The following ROBO2 variants were observed in gnomAD, a reference collection of about 807,000 sequenced individuals.
ROBO2 encodes roundabout homolog 2.
A neutral mutation model predicts 160.8 loss-of-function variants in ROBO2; 53 were observed. The ratio of observed to expected loss-of-function variants is 0.33; its 90% CI spans 0.26 to 0.41. The LOEUF (loss-of-function observed/expected upper bound fraction) is 0.41. Ranked by LOEUF, ROBO2 falls within the 10% of genes least tolerant of loss-of-function variation. ROBO2 has a pLI of 1.00. For missense variants in ROBO2, 1,577 were observed against 1,722.4 expected, an observed-to-expected ratio of 0.92 and a Z score of 1.49; for synonymous variants, 664 against 611.7, an observed-to-expected ratio of 1.09 and a Z score of -1.26.
Position 76,701,863 on chromosome 3 carries a change from A to T in ROBO2, c.110-396151A>T, listed in dbSNP as rs910581311. ...TGTAGCAGTCTAAAAAAAAAAAAAA[A>T]CAAAGGTCACTTTTATGTTTAAAGA... On this transcript the variant is annotated intron_variant, in intron 2 of 26. Coordinates refer to the ROBO2 transcript ENST00000487694. 2.7e-5 allele frequency among the ~76,000 whole-genome samples: 4 copies of T among 147,604 alleles called. No individual in the cohort carries two copies. The South Asian group carries it at 8.6e-4, about 32-fold the overall frequency.
At chr3:76,409,515 C>T (rs2075380234) in intron 2 of ROBO2, among the ~76,000 whole-genome samples, 1 of 151,994 alleles carries the variant, frequency 6.6e-6, no homozygotes, top group Admixed American at 6.6e-5. Context: ...AGAGATTTCT[C>T]AGACCATTCT....
Position 76,917,251 on chromosome 3 carries a change from A to G in ROBO2, c.110-180763A>G, listed in dbSNP as rs572092023. 2.6e-5 allele frequency among the ~76,000 whole-genome samples: 4 copies of G among 152,284 alleles called. No individual in the cohort carries two copies. The South Asian group carries it at 8.3e-4, about 32-fold the overall frequency. On this transcript the variant is annotated intron_variant, in intron 2 of 26. Transcript: ENST00000487694. ...TCTGGTAGTCTGTTGCTTATTATGCACTAGGATCATTGCTATGTGCTTTTT... is the reference window on the plus strand; with the variant it reads ...TCTGGTAGTCTGTTGCTTATTATGCGCTAGGATCATTGCTATGTGCTTTTT...
At chr3:77,602,518 AG>A (rs1354517619) in intron 20 of ROBO2, 27 bp downstream of exon 21, 2 of 1,611,830 alleles carry the variant, frequency 1.2e-6, no homozygotes, top group African/African-American at 2.7e-5. Context: ...TGTCCTGAGG[AG>A]GTATTTTCAT....
intron 2 of ROBO2, among the ~76,000 whole-genome samples, chr3:76,705,269 A>G (rs1236548711): frequency 6.6e-6 from 1 of 152,164 alleles, no homozygotes; most frequent in Non-Finnish European, 1.5e-5. Flanking sequence ...AATACAATAT[A>G]TCCCAGTTGC....
chr3:75,977,307 A>T (rs1221126103), intron 2 of ROBO2, among the ~76,000 whole-genome samples: 1 of 151,488 alleles, frequency 6.6e-6, no homozygotes, highest in Non-Finnish European at 1.5e-5. Context: ...GCTAAAAAGT[A>T]AAGTTGAAAA....
intron 2 of ROBO2, among the ~76,000 whole-genome samples, chr3:77,265,836 T>G (rs992734045): frequency 9.9e-5 from 15 of 152,188 alleles, no homozygotes; most frequent in African/African-American, 1.4e-4. Context: ...GCTCTCAATT[T>G]AAAAGATAAT....
At chr3:76,213,842 T>C (rs1467758015) in intron 2 of ROBO2, among the ~76,000 whole-genome samples, 2 of 152,134 alleles carry the variant, frequency 1.3e-5, no homozygotes, top group African/African-American at 4.8e-5. Flanking sequence ...AGAATAGCAA[T>C]GTTGGACCCT....
chr3:77,173,416 A>G (rs1310069705), intron 2 of ROBO2, among the ~76,000 whole-genome samples: 1 of 152,116 alleles, frequency 6.6e-6, no homozygotes, highest in Non-Finnish European at 1.5e-5. Flanking sequence ...TTTTAAAAGC[A>G]AGAAGTGACC....
intron 2 of ROBO2, among the ~76,000 whole-genome samples, chr3:76,223,339 C>A (rs149660137): frequency 2.6e-5 from 4 of 151,636 alleles, no homozygotes; most frequent in African/African-American, 9.7e-5. Flanking sequence ...GGTTAACCCC[C>A]TCAGATAGAG....
intron 2 of ROBO2, among the ~76,000 whole-genome samples, chr3:77,389,849 T>C (rs1368418422): frequency 1.3e-5 from 2 of 152,136 alleles, no homozygotes; most frequent in East Asian, 3.9e-4. Flanking sequence ...CACCCCCACC[T>C]GGTATGGTTG....
At chr3:76,467,728 C>T (rs200494376) in intron 2 of ROBO2, among the ~76,000 whole-genome samples, 12,788 of 152,002 alleles carry the variant, frequency 0.084, 684 homozygotes, top group Non-Finnish European at 0.12. Context: ...GCAGAACAAC[C>T]TTTTTAGGTG....
exon 20 of ROBO2, chr3:77,602,225 T>A (rs1197481239): frequency 6.2e-7 from 1 of 1,614,136 alleles, no homozygotes; most frequent in Admixed American, 1.7e-5. Context: ...CTGCCACCAG[T>A]TCCAGGCCAA....
intron 2 of ROBO2, among the ~76,000 whole-genome samples, chr3:76,751,765 T>C (rs1018318960): frequency 7.9e-5 from 12 of 152,062 alleles, no homozygotes; most frequent in Non-Finnish European, 1.3e-4. Context: ...CCAGTTAGAA[T>C]GGCGATCATT....
chr3:76,702,333 A>T (rs2093062913), intron 2 of ROBO2, among the ~76,000 whole-genome samples: 1 of 152,086 alleles, frequency 6.6e-6, no homozygotes, highest in South Asian at 2.1e-4. Context: ...CCTATGTATC[A>T]AGAGAATTGT....
rs539155332 is a variant in ROBO2 at position 77,587,535 on chromosome 3, A to G, written c.2501-1216A>G. 2.6e-3 allele frequency among the ~76,000 whole-genome samples: 396 copies of G among 152,154 alleles called. 4 individuals are homozygous for G. The highest frequency in any genetic ancestry group is 9.0e-3 in the African/African-American group (376 of 41,556). On this transcript the variant is annotated intron_variant, in intron 16 of 25. Transcript: ENST00000461745. ...CATAATTTTGAGTCAAAAACTACATATTAGCCTCCACTTCAACCCTCCCAA... is the reference window on the plus strand; with the variant it reads ...CATAATTTTGAGTCAAAAACTACATGTTAGCCTCCACTTCAACCCTCCCAA...
rs115458158 is a variant in ROBO2 at position 76,443,108 on chromosome 3, C to T, written c.109+505506C>T. Among the ~76,000 whole-genome samples the T allele has an allele frequency of 6.0e-3, 903 of 150,776 alleles. 11 individuals are homozygous for T. The highest frequency in any genetic ancestry group is 0.02 in the African/African-American group (810 of 40,986). ...GAGAAGGGGAGCAAGCATCACATGG[C>T]GAGAGAGGAAGGAAGAAGGGGTGGG... On this transcript the variant is annotated intron_variant, in intron 2 of 26. Coordinates refer to the ROBO2 transcript ENST00000487694.
chr3:76,979,773 A>T (rs1043718545), intron 2 of ROBO2, among the ~76,000 whole-genome samples: 61 of 151,458 alleles, frequency 4.0e-4, no homozygotes, highest in Non-Finnish European at 2.9e-5. Flanking sequence ...ACACACACTT[A>T]CTTTAAGATC....
At chr3:76,133,648 G>C (rs1424280755) in intron 2 of ROBO2, among the ~76,000 whole-genome samples, 3 of 152,088 alleles carry the variant, frequency 2.0e-5, no homozygotes, top group Non-Finnish European at 4.4e-5. Flanking sequence ...CAAATCACTG[G>C]TGTTAAGTCC....
chr3:76,432,845 GAGGA>G (rs1559936073), intron 2 of ROBO2, among the ~76,000 whole-genome samples: 1 of 150,916 alleles, frequency 6.6e-6, no homozygotes, highest in Non-Finnish European at 1.5e-5. Flanking sequence ...AGAGAAAAAA[GAGGA>G]AGGAAGGAAG....
Sources: gnomAD v4.1 joint callset for allele counts (sites outside exome capture counted in the v4.1 genomes callset) on GRCh38, gnomAD v4.1.1 for gene constraint, MANE v1.5 for transcripts, NCBI Gene and HGNC (gene_info 2026-07-23, HGNC 2026-07-21) for gene names.